Variants in FCER2 observed in about 807,000 individuals in gnomAD.
FCER2 encodes the protein Fc epsilon receptor II.
FCER2 carries 38 observed loss-of-function variants against 49.7 expected under a neutral mutation model. The ratio of observed to expected loss-of-function variants is 0.76; its 90% CI spans 0.59 to 1.00. The LOEUF is 1.00. Among genes scored for constraint, FCER2 ranks in the 50% least tolerant of loss-of-function variants. FCER2 has a pLI of 0.00. For missense variants in FCER2, 425 were observed against 419.5 expected (o/e 1.01, Z -0.11); for synonymous variants, 163 against 164.6 (o/e 0.99, Z 0.07).
intron 2 of FCER2, chr19:7,699,417 C>T: frequency 7.0e-7 from 1 of 1,420,776 alleles, no homozygotes; most frequent in Non-Finnish European, 9.3e-7. Flanking sequence ...CTGCTTGTTC[C>T]AAGTTCCTGT....
intron 8 of FCER2, 140 bp downstream of exon 8, chr19:7,696,685 T>C (rs1599438984): frequency 4.6e-6 from 3 of 652,572 alleles, no homozygotes; most frequent in Non-Finnish European, 8.0e-6. Context: ...TATATCTTTG[T>C]GTCCTCCCGA....
At chr19:7,698,268 A>G (rs953599057) in intron 4 of FCER2, 88 bp downstream of exon 4, 3 of 948,226 alleles carry the variant, frequency 3.2e-6, no homozygotes, top group Non-Finnish European at 4.8e-6. Context: ...TTCCTTAGCG[A>G]GGGGACACTG....
intron 10 of FCER2, 108 bp downstream of exon 10, chr19:7,690,051 C>T: frequency 1.3e-6 from 1 of 762,726 alleles, no homozygotes; most frequent in Non-Finnish European, 2.3e-6. Flanking sequence ...ACCCTAGAGA[C>T]CCTTATCTCT....
rs2032820955 is a variant in FCER2, at chr19:7,690,193, ACTC to A, written c.691_693del (p.Glu231del). The stretch of plus-strand genomic sequence containing the variant: ...ACGTGGCTCCCATCCACCCAGATAA[ACTC>A]CCCCTTCAGGTCCAAGTTCCGAAGG... On this transcript the variant is annotated inframe_deletion, in exon 10 of 11. Transcript: ENST00000597921. 5.0e-6 allele frequency: 8 copies of A among 1,612,732 alleles called. No individual in the cohort carries two copies. The highest frequency in any genetic ancestry group is 6.8e-6 in the Non-Finnish European group (8 of 1,179,530).
intron 8 of FCER2, among the ~76,000 whole-genome samples, chr19:7,692,116 AC>A (rs1174430768): frequency 2.2e-5 from 3 of 135,108 alleles, no homozygotes; most frequent in Admixed American, 1.4e-4. Context: ...ATTGTCATGA[AC>A]ACATTCACGT....
At chr19:7,700,064 C>T (rs188276592) in intron 1 of FCER2, 11 of 462,870 alleles carry the variant, frequency 2.4e-5, no homozygotes, top group Non-Finnish European at 4.3e-5. Context: ...CACACTTGAG[C>T]TACACAGCAG....
Position 7,689,277 on chromosome 19 carries a change from T to G in FCER2, c.882A>C (p.Glu294Asp), listed in dbSNP as rs760774974. 16 of 1,613,774 alleles carry G rather than the reference T, an allele frequency of 9.9e-6. No individual in the cohort carries two copies. Among genetic ancestry groups the G allele is most frequent in the Non-Finnish European group, 1.4e-5 (16 of 1,179,890 alleles). The change falls in exon 11 of 11, where the codon GAA (glutamate) becomes GAC (aspartate). Residue 294 changes from glutamate (E) to aspartate (D), a missense_variant. Physicochemically the swap from Glu to Asp is conservative, Grantham distance 45 (BLOSUM62 2). Coordinates refer to ENST00000597921, the MANE Select transcript of FCER2 (RefSeq NM_001220500.2). Reference protein sequence around the residue: ...RLATCTPPASEGSAESMGPDS... With the variant: ...RLATCTPPASDGSAESMGPDS... ...CAGGTCCCATGGACTCCGCGGAACC[T>G]TCGCTGGCTGGCGGCGTGCATGTGG...
chr19:7,697,306 C>G lies in FCER2; in HGVS notation c.254-8G>C, dbSNP rs2033042148. On this transcript the variant is annotated splice_polypyrimidine_tract_variant and splice_region_variant and intron_variant, in intron 5 of 10. Transcript: ENST00000597921. ...CCTGTGAAATCTGCGTGGCTGTTTGCAGGGGAGGGGGCTTCATGGTAAGCA... is the reference window on the plus strand; with the variant it reads ...CCTGTGAAATCTGCGTGGCTGTTTGGAGGGGAGGGGGCTTCATGGTAAGCA... The G allele has an allele frequency of 6.2e-7, 1 of 1,614,056 alleles. No individual in the cohort carries two copies. Among genetic ancestry groups the G allele is most frequent in the African/African-American group, 1.3e-5 (1 of 75,030 alleles).
At chr19:7,698,528 G>T in intron 3 of FCER2, 119 bp from the exon 4 acceptor site, 1 of 949,700 alleles carries the variant, frequency 1.1e-6, no homozygotes, top group Non-Finnish European at 1.6e-6. Context: ...GGTGCTGAAA[G>T]TGTGGAGGAC....
chr19:7,699,648 G>C, intron 2 of FCER2, 91 bp downstream of exon 2: 1 of 1,321,822 alleles, frequency 7.6e-7, no homozygotes, highest in Non-Finnish European at 1.1e-6. Context: ...TTCCCAGAGA[G>C]GGACTGGGGA....
chr19:7,691,463 A>G (rs80285225), intron 8 of FCER2, among the ~76,000 whole-genome samples: 164 of 150,406 alleles, frequency 1.1e-3, no homozygotes, highest in Middle Eastern at 3.6e-3. Context: ...AAGTGCCTCA[A>G]TAGCCACCAA....
intron 8 of FCER2, among the ~76,000 whole-genome samples, chr19:7,692,678 A>G (rs17159311): frequency 0.34 from 50,673 of 149,754 alleles, 9,487 homozygotes; most frequent in African/African-American, 0.5. Flanking sequence ...GCTGACGCCA[A>G]TGTCACCACA....
Position 7,698,727 on chromosome 19 carries a change from G to A in FCER2, c.136+14C>T, listed in dbSNP as rs1191810217. 4.3e-6 allele frequency: 7 copies of A among 1,610,218 alleles called. No homozygotes were observed. The highest frequency in any genetic ancestry group is 5.9e-6 in the Non-Finnish European group (7 of 1,178,726). On this transcript the variant is annotated intron_variant, in intron 3 of 10. Transcript: ENST00000597921. Reference sequence around the variant, plus strand: ...TGAGTTGGGGGGACCACATGGAGCTGGGGGTGTCCTCACGCCACAGGAGAA... The same window carrying A: ...TGAGTTGGGGGGACCACATGGAGCTAGGGGTGTCCTCACGCCACAGGAGAA...
intron 8 of FCER2, among the ~76,000 whole-genome samples, chr19:7,692,483 C>T (rs1356084685): frequency 6.6e-6 from 1 of 152,016 alleles, no homozygotes; most frequent in East Asian, 1.9e-4. Context: ...CATCAACCAC[C>T]AACACCATCA....
chr19:7,689,378 T>C lies in FCER2; in HGVS notation c.781A>G (p.Met261Val). Residue 261 changes from methionine to valine, a missense_variant, in exon 11 of 11, where the codon ATG (methionine) becomes GTG (valine). Transcript: ENST00000597921. ...TSRSQGEDCV[M>V]MRGSGRWNDA... Reference sequence around the variant, plus strand: ...TTCCAGCGACCGGAGCCCCGCATCATCACGCAGTCCTCGCCCTGGCTCCGG... The same window carrying C: ...TTCCAGCGACCGGAGCCCCGCATCACCACGCAGTCCTCGCCCTGGCTCCGG... The C allele has an allele frequency of 6.2e-7, 1 of 1,609,254 alleles. No homozygotes were observed. Among genetic ancestry groups the C allele is most frequent in the Non-Finnish European group, 8.5e-7 (1 of 1,178,362 alleles).
chr19:7,695,949 C>T (rs62110739), intron 8 of FCER2, among the ~76,000 whole-genome samples: 23,995 of 123,472 alleles, frequency 0.19, 2,678 homozygotes, highest in Middle Eastern at 0.36. Flanking sequence ...TTTTTTGAGA[C>T]AGAGTCTCGC....
rs758683190 is a variant in FCER2, at chr19:7,690,428, C to T, written c.599G>A (p.Ser200Asn). The change falls in exon 9 of 11, where the codon AGC becomes AAC. Residue 200 changes from serine (S) to asparagine (N), a missense_variant. By Grantham distance (46) the Ser-to-Asn change is conservative. Transcript: ENST00000597921. ...ACDDMEGQLV[S>N]IHSPEEQDFL... ...CACCTGCTCCTCCGGGCTGTGGATGCTGACCAGCTGCCCTTCCATGTCGTC... is the reference window on the plus strand; with the variant it reads ...CACCTGCTCCTCCGGGCTGTGGATGTTGACCAGCTGCCCTTCCATGTCGTC... 2.5e-6 allele frequency: 4 copies of T among 1,613,936 alleles called. No homozygotes were observed. In the African/African-American group the frequency reaches 5.3e-5, roughly 22 times the overall value.
intron 1 of FCER2, among the ~76,000 whole-genome samples, chr19:7,701,197 T>A (rs2033145819): frequency 6.6e-6 from 1 of 152,182 alleles, no homozygotes; most frequent in Non-Finnish European, 1.5e-5. Context: ...GCTACCTTCT[T>A]TCGCTGCTTG....
At chr19:7,690,967 C>T (rs1304355218) in intron 8 of FCER2, among the ~76,000 whole-genome samples, 2 of 152,068 alleles carry the variant, frequency 1.3e-5, no homozygotes, top group Non-Finnish European at 2.9e-5. Context: ...ACCATCACCA[C>T]AGACACCTCA....
Sources: allele counts gnomAD v4.1 joint callset (sites outside exome capture counted in the v4.1 genomes callset), GRCh38; gene constraint gnomAD v4.1.1; transcripts MANE v1.5; gene names NCBI Gene and HGNC (gene_info 2026-07-23, HGNC 2026-07-21).